The following DAGLA variants were observed in gnomAD, a reference collection of about 807,000 sequenced individuals.
The protein encoded by DAGLA is diacylglycerol lipase-alpha.
A neutral mutation model predicts 102.6 loss-of-function variants in DAGLA; 22 were observed. That is an observed-to-expected ratio of 0.21 (90% CI 0.15 to 0.31). DAGLA has a LOEUF of 0.31. DAGLA is among the 10% of genes least tolerant of loss of function. The probability of loss-of-function intolerance (pLI) is 1.00; values close to 1 mark genes in which losing one functional copy is unlikely to be tolerated. For missense variants in DAGLA, 927 were observed against 1,446.6 expected, an observed-to-expected ratio of 0.64 and a Z score of 5.83; for synonymous variants, 578 against 628.9, an observed-to-expected ratio of 0.92 and a Z score of 1.21.
intron 1 of DAGLA, among the ~76,000 whole-genome samples, chr11:61,716,301 C>G (rs1340343112): frequency 6.6e-6 from 1 of 152,030 alleles, no homozygotes; most frequent in Non-Finnish European, 1.5e-5. Context: ...TCTAGGGTTC[C>G]CATAAGGGAG....
In DAGLA at chr11:61,731,330, G is replaced by A. The variant is rs764803603; in HGVS notation, c.863G>A (p.Arg288His). The change falls in exon 9 of 20, where the codon CGC (arginine) becomes CAC (histidine). Residue 288 changes from arginine (R) to histidine (H), a missense_variant. By Grantham distance (29) the Arg-to-His change is conservative. Transcript: ENST00000257215. ...LDLKNSQEML[R>H]YKEVCYYMLF... ...CCTCTCTTCTAGCAAGAGATGCTCC[G>A]CTACAAAGAGGTCTGCTACTACATG... The A allele has an allele frequency of 7.4e-6, 12 of 1,613,914 alleles. No individual in the cohort carries two copies. The East Asian group carries it at 1.6e-4, about 21-fold the overall frequency.
intron 1 of DAGLA, among the ~76,000 whole-genome samples, chr11:61,701,914 A>G (rs529749171): frequency 1.1e-4 from 16 of 152,036 alleles, no homozygotes; most frequent in Non-Finnish European, 2.2e-4. Context: ...AGCTAGGACT[A>G]CAGGCATGTG....
intron 19 of DAGLA, 88 bp downstream of exon 19, chr11:61,741,437 C>T (rs1022742556): frequency 6.4e-6 from 9 of 1,413,120 alleles, no homozygotes; most frequent in South Asian, 2.7e-5. Flanking sequence ...TGTGCATGCA[C>T]TGGGCTCAGC....
intron 5 of DAGLA, 132 bp from the exon 6 acceptor site, chr11:61,725,863 C>T: frequency 1.2e-6 from 1 of 821,438 alleles, no homozygotes; most frequent in East Asian, 2.4e-5. Context: ...GCCCTGTTCT[C>T]CCCCAGAACC....
chr11:61,734,239 T>C lies in DAGLA; in HGVS notation c.975-610T>C, dbSNP rs2065403625. On this transcript the variant is annotated intron_variant, in intron 9 of 19. Transcript: ENST00000257215. This position sits in a 1 kb window ranked among gnomAD's most constrained non-coding sequence, Gnocchi z 4.2. ...CTGAAGGGAAGCCGAGTACGTGTAC[T>C]GACCGAGTGGCATGGCCGTGGGGGT... Among the ~76,000 whole-genome samples, 1 of 148,108 alleles carries C rather than the reference T, an allele frequency of 6.8e-6. No individual in the cohort carries two copies. The highest frequency in any genetic ancestry group is 6.9e-5 in the Admixed American group (1 of 14,486).
intron 1 of DAGLA, among the ~76,000 whole-genome samples, chr11:61,696,320 C>T (rs1358691347): frequency 3.9e-5 from 6 of 152,042 alleles, no homozygotes; most frequent in South Asian, 4.1e-4. Context: ...GTCCTGGGAG[C>T]GGGAGAGTGG....
chr11:61,705,998 C>G (rs2065146178), intron 1 of DAGLA, among the ~76,000 whole-genome samples: 1 of 152,200 alleles, frequency 6.6e-6, no homozygotes, highest in Non-Finnish European at 1.5e-5. Flanking sequence ...CTGGGCCTGT[C>G]TGGGATCTCT....
chr11:61,708,449 C>T (rs910067531), intron 1 of DAGLA, among the ~76,000 whole-genome samples: 2 of 151,498 alleles, frequency 1.3e-5, no homozygotes, highest in South Asian at 2.1e-4. Flanking sequence ...GGCGTGATTT[C>T]GGCGCACTGC....
At chr11:61,697,525 G>C (rs2065076698) in intron 1 of DAGLA, among the ~76,000 whole-genome samples, 1 of 152,148 alleles carries the variant, frequency 6.6e-6, no homozygotes, top group South Asian at 2.1e-4. Flanking sequence ...TGTGGGGCAG[G>C]GTTCCAGGTT....
chr11:61,727,527 C>T (rs2065338697), intron 6 of DAGLA, among the ~76,000 whole-genome samples: 1 of 152,238 alleles, frequency 6.6e-6, no homozygotes, highest in East Asian at 1.9e-4. Context: ...GCCAGCAGGG[C>T]TCGCCTCCTG....
chr11:61,722,976 G>C lies in DAGLA; in HGVS notation c.409+16G>C, dbSNP rs748732368. On this transcript the variant is annotated intron_variant, in intron 4 of 19. Transcript: ENST00000257215. Reference sequence around the variant, plus strand: ...GTCACCCTCGGTACGTCTGGGTGAGGCCTGCTGGAGCCTCAGCAGCCCCGG... The same window carrying C: ...GTCACCCTCGGTACGTCTGGGTGAGCCCTGCTGGAGCCTCAGCAGCCCCGG... 4.4e-6 allele frequency: 7 copies of C among 1,587,958 alleles called. No homozygotes were observed. The South Asian group carries it at 7.7e-5, about 18-fold the overall frequency.
intron 1 of DAGLA, among the ~76,000 whole-genome samples, chr11:61,707,999 T>TTATG (rs1199439393): frequency 2.0e-5 from 3 of 152,052 alleles, no homozygotes; most frequent in African/African-American, 7.2e-5. Flanking sequence ...ATGTATTTAT[T>TTATG]TATTTATTTA....
At chr11:61,736,668 A>G (rs1318418108) in intron 13 of DAGLA, among the ~76,000 whole-genome samples, 1 of 152,230 alleles carries the variant, frequency 6.6e-6, no homozygotes, top group Non-Finnish European at 1.5e-5. Context: ...GGAGAGGCTC[A>G]AAATACAGAG....
In DAGLA at chr11:61,744,036, C is replaced by A. The variant is rs367914263; in HGVS notation, c.2676C>A (p.Arg892=). 1.2e-6 allele frequency: 2 copies of A among 1,612,328 alleles called. No homozygotes were observed. The highest frequency in any genetic ancestry group is 1.1e-5 in the South Asian group (1 of 91,068). The change falls in exon 20 of 20, where the codon CGC becomes CGA. Residue 892 remains arginine (R), a synonymous_variant. Coordinates refer to ENST00000257215, the MANE Select transcript of DAGLA (RefSeq NM_006133.3). ...VGGGGGGPAS[R]GELALHNGRL... ...GTGGGGGTGGCGGGCCGGCCTCCCG[C>A]GGGGAGCTGGCGCTGCACAATGGGC...
At chr11:61,738,358 G>C in intron 16 of DAGLA, 151 bp downstream of exon 16, 1 of 629,848 alleles carries the variant, frequency 1.6e-6, no homozygotes, top group Non-Finnish European at 2.8e-6. Context: ...CAGGAAGTCA[G>C]ACCCTCAGCA....
intron 1 of DAGLA, among the ~76,000 whole-genome samples, chr11:61,689,378 C>T (rs1393923767): frequency 1.3e-5 from 2 of 152,246 alleles, no homozygotes; most frequent in African/African-American, 2.4e-5. Context: ...CTGATTCATT[C>T]TCTCTCCCTC....
chr11:61,709,664 T>C (rs983328300), intron 1 of DAGLA, among the ~76,000 whole-genome samples: 2 of 151,972 alleles, frequency 1.3e-5, no homozygotes, highest in Non-Finnish European at 1.5e-5. Flanking sequence ...GGCTGCAGCC[T>C]GTGTGCCATT....
chr11:61,734,725 G>C lies in DAGLA; in HGVS notation c.975-124G>C. The C allele has an allele frequency of 2.2e-6, 2 of 917,590 alleles. No individual in the cohort carries two copies. The highest frequency in any genetic ancestry group is 2.5e-5 in the East Asian group (1 of 39,758). The allele number at this position is 917,590 out of a possible 1,614,324, so 56.8% of individuals were successfully genotyped here. A position where few individuals can be genotyped will look rare whatever the true frequency, so the allele number is the denominator to read the frequency against. On this transcript the variant is annotated intron_variant, in intron 9 of 19. Coordinates refer to ENST00000257215, the MANE Select transcript of DAGLA (RefSeq NM_006133.3). The surrounding 1 kb of genome is among the most constrained non-coding windows in gnomAD (Gnocchi z 4.2). ...CGTGGGGGTCACTAGGACTTAGCAA[G>C]GGCAATTTGGTAGAGGCAGTGGGGC...
At position 61,743,745 on chromosome 11, in the gene DAGLA, C is replaced by T. The variant is rs937821699; in HGVS notation, c.2385C>T (p.Arg795=). 5.1e-5 allele frequency: 82 copies of T among 1,612,068 alleles called. No individual in the cohort carries two copies. The highest frequency in any genetic ancestry group is 1.6e-4 in the Middle Eastern group (1 of 6,082). ...DTESLYSFDS[R]RSSGFRSIRG... ...AGTCCCTGTACAGCTTCGACTCGCG[C>T]CGCTCCTCAGGCTTCCGCAGCATCC... Residue 795 remains arginine (R), a synonymous_variant, in exon 20 of 20, where the codon CGC becomes CGT. Coordinates refer to ENST00000257215, the MANE Select transcript of DAGLA (RefSeq NM_006133.3).
Sources: gnomAD v4.1 joint callset for allele counts (sites outside exome capture counted in the v4.1 genomes callset) on GRCh38, gnomAD v4.1.1 for gene constraint, Gnocchi (gnomAD v3.1) non-coding constraint, MANE v1.5 for transcripts, NCBI Gene and HGNC (gene_info 2026-07-23, HGNC 2026-07-21) for gene names.